PHEX: variants seen among roughly 807,000 people sequenced by gnomAD.
The protein encoded by PHEX is phosphate regulating endopeptidase X-linked, also known as phosphate-regulating neutral endopeptidase PHEX.
In PHEX, 16 loss-of-function variants were observed where a neutral mutation model predicts 68.0. The observed-to-expected ratio is 0.24, with a 90% CI of 0.16 to 0.36. The LOEUF is 0.36. Ranked by LOEUF, PHEX falls within the 10% of genes least tolerant of loss-of-function variation. The probability of loss-of-function intolerance (pLI) is 1.00; values close to 1 mark genes in which losing one functional copy is unlikely to be tolerated. For missense variants in PHEX, 480 were observed against 575.5 expected, an observed-to-expected ratio of 0.83 and a Z score of 1.70; for synonymous variants, 208 against 205.1, an observed-to-expected ratio of 1.01 and a Z score of -0.12.
intron 20 of PHEX, among the ~76,000 whole-genome samples, chrX:22,233,834 C>T (rs1219959489): frequency 9.0e-6 from 1 of 110,970 alleles, no homozygotes; most frequent in Non-Finnish European, 1.9e-5. Context: ...AAATCATTCT[C>T]CGTCCAGTTT....
chrX:22,107,985 G>A (rs942739169), intron 9 of PHEX, among the ~76,000 whole-genome samples: 1 of 112,197 alleles, frequency 8.9e-6, no homozygotes, highest in African/African-American at 3.2e-5. Context: ...CTGAAGTCCT[G>A]TGTTCCCAGC....
chrX:22,050,879 C>G (rs1420055466), intron 3 of PHEX, among the ~76,000 whole-genome samples: 1 of 111,624 alleles, frequency 9.0e-6, no homozygotes, highest in Non-Finnish European at 1.9e-5. Flanking sequence ...TAAATCCTGC[C>G]TATTAATGGT....
chrX:22,169,883 A>G (rs1191336303), intron 13 of PHEX: 1 of 112,530 alleles, frequency 8.9e-6, no homozygotes, highest in African/African-American at 3.2e-5. Flanking sequence ...AAGTCTTAGT[A>G]TTGTTGGGAA....
chrX:22,168,549 G>T (rs1370017034), intron 13 of PHEX, among the ~76,000 whole-genome samples, 160 bp downstream of exon 13: 1 of 111,688 alleles, frequency 9.0e-6, no homozygotes, highest in Non-Finnish European at 1.9e-5. Context: ...ATGCCAGGCA[G>T]ATCACAAGAT....
intron 15 of PHEX, among the ~76,000 whole-genome samples, chrX:22,204,682 G>A (rs186967943): frequency 9.0e-6 from 1 of 111,517 alleles, no homozygotes; most frequent in Non-Finnish European, 1.9e-5. Flanking sequence ...TTTTTATAAT[G>A]GGATCTAAAT....
At chrX:22,198,939 C>T (rs1934462609) in intron 15 of PHEX, among the ~76,000 whole-genome samples, 1 of 111,232 alleles carries the variant, frequency 9.0e-6, no homozygotes. Context: ...GCAGCAAAGG[C>T]ATGTCTTACA....
chrX:22,216,523 ATTTATTTATTTAT>A (rs1299239345), intron 16 of PHEX, among the ~76,000 whole-genome samples: 297 of 105,629 alleles, frequency 2.8e-3, no homozygotes, highest in African/African-American at 9.5e-3. Context: ...TTATTTATTT[ATTTATTTATTTAT>A]GAGACAGAGT....
At chrX:22,121,494 G>C (rs1019164569) in intron 11 of PHEX, among the ~76,000 whole-genome samples, 2 of 111,808 alleles carry the variant, frequency 1.8e-5, no homozygotes, top group Non-Finnish European at 3.8e-5. Flanking sequence ...GTAAGGGCAA[G>C]ACGTACTTGA....
chrX:22,133,625 G>A lies in PHEX; in HGVS notation c.1404+1G>A. On this transcript the variant is annotated splice_donor_variant, in intron 12 of 21. Transcript: ENST00000379374. LOFTEE classifies it high-confidence loss of function. ...AACGAAAAGGAAAGCCAAAGAAAAGGTAAGGATTCCTTTTGATGAAAAAAA... is the reference window on the plus strand; with the variant it reads ...AACGAAAAGGAAAGCCAAAGAAAAGATAAGGATTCCTTTTGATGAAAAAAA... 8.6e-7 allele frequency: 1 copy of A among 1,162,884 alleles called. No individual in the cohort carries two copies. Among genetic ancestry groups the A allele is most frequent in the Non-Finnish European group, 1.2e-6 (1 of 851,522 alleles).
chrX:22,070,999 T>A (rs763530287), intron 3 of PHEX, among the ~76,000 whole-genome samples: 4 of 112,029 alleles, frequency 3.6e-5, no homozygotes, highest in South Asian at 3.7e-4. Context: ...GAGCTGCAGA[T>A]GGCTGTTATG....
rs896575405 is a variant in PHEX, at chrX:22,227,556, T to C, written c.2015T>C (p.Leu672Pro). The stretch of plus-strand genomic sequence containing the variant: ...AGAAGGCAGGGACTTGAGGAGCCTC[T>C]TCTACCAGGCATCACATTCACCAAC... Reference protein sequence around the residue: ...NDRRQGLEEPLLPGITFTNNQ... With the variant: ...NDRRQGLEEPPLPGITFTNNQ... Residue 672 changes from leucine (L) to proline (P), a missense_variant, in exon 20 of 22, where the codon CTT becomes CCT. Leu to Pro is a moderately conservative substitution (Grantham distance 98). Coordinates refer to ENST00000379374, the MANE Select transcript of PHEX (RefSeq NM_000444.6). 9 of 1,208,063 alleles carry C rather than the reference T, an allele frequency of 7.4e-6. No homozygotes were observed. Among genetic ancestry groups the C allele is most frequent in the Non-Finnish European group, 1.0e-5 (9 of 893,428 alleles).
intron 12 of PHEX, among the ~76,000 whole-genome samples, chrX:22,161,423 C>T (rs1933125527): frequency 1.8e-5 from 2 of 112,254 alleles, no homozygotes; most frequent in Admixed American, 1.9e-4. Flanking sequence ...GAGACTGTCT[C>T]AAGACAACAA....
chrX:22,111,805 C>T (rs921973119), intron 10 of PHEX, among the ~76,000 whole-genome samples: 3 of 111,957 alleles, frequency 2.7e-5, no homozygotes, highest in Admixed American at 9.5e-5. Flanking sequence ...TAGAGAAATA[C>T]TTGAGGCCAC....
chrX:22,207,548 G>A (rs985108472), intron 15 of PHEX, among the ~76,000 whole-genome samples: 3 of 110,356 alleles, frequency 2.7e-5, no homozygotes, highest in Non-Finnish European at 5.7e-5. Context: ...GTCTTGAAAT[G>A]TATGATAAGA....
At position 22,249,069 on chromosome X, in the gene PHEX, A is replaced by G. The variant is rs1345025223; in HGVS notation, c.*1116A>G. 9.0e-6 allele frequency: 1 copy of G among 110,528 alleles called. No individual in the cohort carries two copies. The highest frequency in any genetic ancestry group is 1.9e-5 in the Non-Finnish European group (1 of 52,930). 9.1% of individuals were successfully genotyped at this position (110,528 alleles called of 1,213,427 possible). On this transcript the variant is annotated 3_prime_UTR_variant, in exon 22 of 22. Coordinates refer to ENST00000379374, the MANE Select transcript of PHEX (RefSeq NM_000444.6). ...TGACATTCTAGAATTTATTGATTCA[A>G]TTTAAAATTCCCTGCATAGTCCAAA...
rs1446372905 is a variant in PHEX, at chrX:22,248,340, T to G, written c.*387T>G. 2 of 190,029 alleles carry G rather than the reference T, an allele frequency of 1.1e-5. No homozygotes were observed. Among genetic ancestry groups the G allele is most frequent in the Admixed American group, 6.9e-5 (1 of 14,399 alleles). The allele number at this position is 190,029 out of a possible 1,213,427, so 15.7% of individuals were successfully genotyped here. A position where few individuals can be genotyped will look rare whatever the true frequency, so the allele number is the denominator to read the frequency against. On this transcript the variant is annotated 3_prime_UTR_variant, in exon 22 of 22. Transcript: ENST00000379374. ...TGATGTATCCTTTAAAAGTTCAATC[T>G]ATTAAACTTGTAGCCTCTCAATGAT...
intron 5 of PHEX, among the ~76,000 whole-genome samples, chrX:22,082,092 A>G (rs1345649527): frequency 1.8e-5 from 2 of 112,322 alleles, no homozygotes; most frequent in Non-Finnish European, 3.8e-5. Context: ...TTTTTTTCTC[A>G]GGAACTGACA....
At position 22,226,902 on chromosome X, in the gene PHEX, T is replaced by G. The variant is rs181499882; in HGVS notation, c.1965+394T>G. Among the ~76,000 whole-genome samples, 3 of 111,553 alleles carry G rather than the reference T, an allele frequency of 2.7e-5. No individual in the cohort carries two copies. The East Asian group carries it at 8.5e-4, about 32-fold the overall frequency. Reference sequence around the variant, plus strand: ...CTTAAAATATCAAACTTCTAAATTATGACCAGAGGGTAGTGGTTCTCATAT... The same window carrying G: ...CTTAAAATATCAAACTTCTAAATTAGGACCAGAGGGTAGTGGTTCTCATAT... On this transcript the variant is annotated intron_variant, in intron 19 of 21. Transcript: ENST00000379374.
intron 3 of PHEX, among the ~76,000 whole-genome samples, chrX:22,068,127 C>T (rs766014028): frequency 1.3e-4 from 14 of 110,885 alleles, no homozygotes; most frequent in African/African-American, 3.3e-4. Context: ...CGTGAGCCAC[C>T]GCGCCTGGCC....
Sources: allele counts gnomAD v4.1 joint callset (sites outside exome capture counted in the v4.1 genomes callset), GRCh38; gene constraint gnomAD v4.1.1; transcripts MANE v1.5; gene names NCBI Gene and HGNC (gene_info 2026-07-23, HGNC 2026-07-21).